The following CD44 variants were observed in gnomAD, a reference collection of about 807,000 sequenced individuals.
The protein encoded by CD44 is CD44 molecule (IN blood group), also known as CD44 antigen.
CD44 carries 49 observed loss-of-function variants against 88.8 expected under a neutral mutation model. The observed-to-expected ratio is 0.55, with a 90% CI of 0.44 to 0.70. The LOEUF is 0.70. Ranked by LOEUF, CD44 falls within the 30% of genes least tolerant of loss-of-function variation. The pLI, the probability that CD44 is intolerant of heterozygous loss-of-function variation, is 0.00. For missense variants in CD44, 883 were observed against 913.8 expected (o/e 0.97, Z 0.43); for synonymous variants, 325 against 312.3 (o/e 1.04, Z -0.43).
intron 14 of CD44, 40 bp from the exon 15 acceptor site, chr11:35,214,812 G>A (rs765373735): frequency 1.1e-5 from 13 of 1,215,494 alleles, no homozygotes; most frequent in Non-Finnish European, 1.3e-5. Flanking sequence ...GAGTGTAAGT[G>A]AAAACATGCA....
chr11:35,208,960 T>C (rs1257959791), intron 12 of CD44, among the ~76,000 whole-genome samples: 1 of 152,196 alleles, frequency 6.6e-6, no homozygotes, highest in Non-Finnish European at 1.5e-5. Flanking sequence ...AGCAAGCATG[T>C]ATTGATGGTC....
chr11:35,166,625 G>A (rs1943303210), intron 1 of CD44, among the ~76,000 whole-genome samples: 1 of 152,228 alleles, frequency 6.6e-6, no homozygotes, highest in Non-Finnish European at 1.5e-5. Context: ...TGACTGCCAT[G>A]ACAGGCTCCA....
At chr11:35,199,934 G>GTTTTTTTTTTTTTTTTTTTTTTTT (rs60509735) in intron 7 of CD44, among the ~76,000 whole-genome samples, 1 of 90,882 alleles carries the variant, frequency 1.1e-5, no homozygotes. Flanking sequence ...CCATGGTGTT[G>GTTTTTTTTTTTTTTTTTTTTTTTT]TTTTTTTTTT....
At chr11:35,183,086 A>G (rs1371962782) in intron 3 of CD44, among the ~76,000 whole-genome samples, 1 of 152,188 alleles carries the variant, frequency 6.6e-6, no homozygotes, top group East Asian at 1.9e-4. Context: ...TGAGAAGTAC[A>G]GGGGGTATGT....
chr11:35,204,988 G>T, intron 10 of CD44: 1 of 186,144 alleles, frequency 5.4e-6, no homozygotes, highest in Non-Finnish European at 1.1e-5. Context: ...TCTATAATGT[G>T]GGTCCAGACT....
Position 35,229,877 on chromosome 11 carries a change from T to C in CD44, c.*544T>C, listed in dbSNP as rs376644571. On this transcript the variant is annotated 3_prime_UTR_variant, in exon 18 of 18. Transcript: ENST00000428726. ...GGGAGACACCCAAAGGGTGAAGCTA[T>C]TTATCTGTAGTAAACTATTTATCTG... 3 of 155,706 alleles carry C rather than the reference T, an allele frequency of 1.9e-5. No individual in the cohort carries two copies. The East Asian group carries it at 5.7e-4, about 30-fold the overall frequency. The allele number at this position is 155,706 out of a possible 1,614,324, so 9.6% of individuals were successfully genotyped here. A position where few individuals can be genotyped will look rare whatever the true frequency, so the allele number is the denominator to read the frequency against.
chr11:35,158,667 C>A lies in CD44; in HGVS notation c.68-17908C>A, dbSNP rs563508672. ...CACTTGAAAATGATTCCAGCTGCCT[C>A]TGGAAGATTTTCATCCCATTTCTGG... On this transcript the variant is annotated intron_variant, in intron 1 of 17. Coordinates refer to ENST00000428726, the MANE Select transcript of CD44 (RefSeq NM_000610.4). 2.0e-5 allele frequency among the ~76,000 whole-genome samples: 3 copies of A among 152,346 alleles called. No individual in the cohort carries two copies. The East Asian group carries it at 5.8e-4, about 29-fold the overall frequency.
intron 17 of CD44, among the ~76,000 whole-genome samples, chr11:35,225,485 C>T (rs1949634256): frequency 6.6e-6 from 1 of 152,156 alleles, no homozygotes. Context: ...AAAGGTAAGA[C>T]ACAGATCCAT....
chr11:35,141,165 A>C (rs997538107), intron 1 of CD44, among the ~76,000 whole-genome samples: 1 of 152,194 alleles, frequency 6.6e-6, no homozygotes, highest in African/African-American at 2.4e-5. Flanking sequence ...GGCCTGTTTG[A>C]CAGGAGGAAA....
intron 14 of CD44, among the ~76,000 whole-genome samples, chr11:35,212,029 AT>A (rs1437939272): frequency 6.6e-6 from 1 of 152,166 alleles, no homozygotes; most frequent in African/African-American, 2.4e-5. Context: ...GTATTAATGA[AT>A]AGGGACCACT....
intron 1 of CD44, among the ~76,000 whole-genome samples, chr11:35,157,367 C>CTATCTA (rs56061152): frequency 6.7e-6 from 1 of 149,572 alleles, no homozygotes; most frequent in East Asian, 2.0e-4. Flanking sequence ...ATCTATCTAT[C>CTATCTA]ATCTGTCTGT....
chr11:35,170,026 G>C (rs1272828069), intron 1 of CD44, among the ~76,000 whole-genome samples: 2 of 152,172 alleles, frequency 1.3e-5, no homozygotes, highest in East Asian at 1.9e-4. Flanking sequence ...TAAATTAGCT[G>C]AAGTACATAA....
intron 1 of CD44, 91 bp from the exon 2 acceptor site, chr11:35,176,484 G>GGCTTTTT: frequency 8.1e-7 from 1 of 1,241,010 alleles, no homozygotes; most frequent in Non-Finnish European, 1.1e-6. Context: ...GGCCTTATTT[G>GGCTTTTT]ACTTTTTAAG....
chr11:35,158,509 G>T (rs149645224), intron 1 of CD44, among the ~76,000 whole-genome samples: 2 of 152,142 alleles, frequency 1.3e-5, no homozygotes, highest in Non-Finnish European at 2.9e-5. Context: ...AAGGACTGAC[G>T]CGATCACAGA....
At chr11:35,211,855 A>G (rs1948426064) in intron 14 of CD44, among the ~76,000 whole-genome samples, 1 of 152,128 alleles carries the variant, frequency 6.6e-6, no homozygotes, top group Non-Finnish European at 1.5e-5. Context: ...TACTCTACTT[A>G]TTTTGTAAGG....
chr11:35,189,314 C>A (rs1430367187), intron 4 of CD44, among the ~76,000 whole-genome samples: 1 of 152,184 alleles, frequency 6.6e-6, no homozygotes, highest in East Asian at 1.9e-4. Context: ...AAAAGAAAAT[C>A]AAAATCTTCA....
At chr11:35,184,212 A>G (rs1319111765) in intron 3 of CD44, among the ~76,000 whole-genome samples, 1 of 152,232 alleles carries the variant, frequency 6.6e-6, no homozygotes, top group Non-Finnish European at 1.5e-5. Flanking sequence ...TCCACTAAGC[A>G]TATTTGCCAG....
At chr11:35,214,460 A>G (rs1948662902) in intron 14 of CD44, among the ~76,000 whole-genome samples, 1 of 152,198 alleles carries the variant, frequency 6.6e-6, no homozygotes, top group African/African-American at 2.4e-5. Context: ...AATCCAATTC[A>G]TATTGTCCTT....
At chr11:35,176,875 C>A in intron 2 of CD44, 135 bp downstream of exon 2, 2 of 782,122 alleles carry the variant, frequency 2.6e-6, no homozygotes, top group Non-Finnish European at 4.0e-6. Flanking sequence ...ATTAATTTGG[C>A]CAAGTCAATC....
Sources: gnomAD v4.1 joint callset for allele counts (sites outside exome capture counted in the v4.1 genomes callset) on GRCh38, gnomAD v4.1.1 for gene constraint, MANE v1.5 for transcripts, NCBI Gene and HGNC (gene_info 2026-07-23, HGNC 2026-07-21) for gene names.